The following RXFP1 variants were observed in gnomAD, a reference collection of about 807,000 sequenced individuals.
RXFP1 encodes the protein relaxin family peptide receptor 1.
In RXFP1, 73 loss-of-function variants were observed where a neutral mutation model predicts 89.8. That is an observed-to-expected ratio of 0.81 (90% CI 0.67 to 0.99). RXFP1 has a LOEUF of 0.99. RXFP1 is among the 50% of genes least tolerant of loss of function. The probability of loss-of-function intolerance (pLI) is 0.00; values close to 1 mark genes in which losing one functional copy is unlikely to be tolerated. For synonymous variants in RXFP1, 277 were observed against 305.5 expected, an observed-to-expected ratio of 0.91 and a Z score of 0.97; for missense variants, 793 against 895.5, an observed-to-expected ratio of 0.89 and a Z score of 1.46.
At chr4:158,557,433 T>C (rs1479639927) in intron 1 of RXFP1, among the ~76,000 whole-genome samples, 1 of 152,174 alleles carries the variant, frequency 6.6e-6, no homozygotes, top group Non-Finnish European at 1.5e-5. Context: ...GTCACCTAAG[T>C]TGGAGTAGTT....
At chr4:158,595,571 G>A (rs925970176) in intron 3 of RXFP1, among the ~76,000 whole-genome samples, 14 of 152,084 alleles carry the variant, frequency 9.2e-5, no homozygotes, top group African/African-American at 3.4e-4. Flanking sequence ...CAAATATAAA[G>A]TTTTTTCTCT....
chr4:158,554,890 C>T (rs1750944713), intron 1 of RXFP1, among the ~76,000 whole-genome samples: 1 of 152,054 alleles, frequency 6.6e-6, no homozygotes, highest in Non-Finnish European at 1.5e-5. Context: ...ATCTGCTCCG[C>T]TATTGTAACC....
chr4:158,524,076 G>C (rs150091099), intron 1 of RXFP1, among the ~76,000 whole-genome samples: 206 of 152,244 alleles, frequency 1.4e-3, no homozygotes, highest in African/African-American at 4.4e-3. Flanking sequence ...CCTTTACCCT[G>C]TCTACCTTTC....
At chr4:158,532,193 TG>T (rs33966083) in intron 1 of RXFP1, among the ~76,000 whole-genome samples, 6,859 of 152,202 alleles carry the variant, frequency 0.045, 520 homozygotes, top group African/African-American at 0.15. Flanking sequence ...ATGTAGCGTT[TG>T]TTTTTCTGTC....
At chr4:158,546,930 C>T (rs1410715982) in intron 1 of RXFP1, among the ~76,000 whole-genome samples, 1 of 152,002 alleles carries the variant, frequency 6.6e-6, no homozygotes, top group East Asian at 1.9e-4. Flanking sequence ...TGTGTCTCTG[C>T]CCGGCTTTGG....
chr4:158,562,828 G>A (rs948985210), intron 1 of RXFP1, among the ~76,000 whole-genome samples: 1 of 151,484 alleles, frequency 6.6e-6, no homozygotes, highest in Admixed American at 6.6e-5. Flanking sequence ...CTGGGAACCT[G>A]CAAATTAAAC....
intron 1 of RXFP1, among the ~76,000 whole-genome samples, chr4:158,549,554 GCT>G (rs1362400514): frequency 6.6e-6 from 1 of 152,112 alleles, no homozygotes; most frequent in Non-Finnish European, 1.5e-5. Flanking sequence ...CAGTTTTTCT[GCT>G]CTGTTTTTTC....
In RXFP1 at chr4:158,652,563, C is replaced by G. The variant is rs1772927547; in HGVS notation, c.*508C>G. 1 of 152,252 alleles carries G rather than the reference C, an allele frequency of 6.6e-6. No homozygotes were observed. Among genetic ancestry groups the G allele is most frequent in the African/African-American group, 2.4e-5 (1 of 41,458 alleles). 9.4% of individuals were successfully genotyped at this position (152,252 alleles called of 1,614,324 possible). A position where few individuals can be genotyped will look rare whatever the true frequency, so the allele number is the denominator to read the frequency against. ...TATTTGCATCATAGAAAATGTCTGA[C>G]TGTTTGCAAAATAATATTCTGTTTT... On this transcript the variant is annotated 3_prime_UTR_variant, in exon 18 of 18. Coordinates refer to ENST00000307765, the MANE Select transcript of RXFP1 (RefSeq NM_021634.4).
At chr4:158,641,540 A>G (rs1266454687) in intron 14 of RXFP1, among the ~76,000 whole-genome samples, 1 of 152,202 alleles carries the variant, frequency 6.6e-6, no homozygotes, top group African/African-American at 2.4e-5. Context: ...ATACCAATCA[A>G]CACTCCTTCT....
chr4:158,545,913 G>A (rs1240710056), intron 1 of RXFP1, among the ~76,000 whole-genome samples: 1 of 152,202 alleles, frequency 6.6e-6, no homozygotes, highest in Non-Finnish European at 1.5e-5. Flanking sequence ...TTTTGGCTTA[G>A]GATTGACTTG....
intron 1 of RXFP1, among the ~76,000 whole-genome samples, chr4:158,560,079 G>A (rs1752116337): frequency 6.6e-6 from 1 of 152,236 alleles, no homozygotes; most frequent in South Asian, 2.1e-4. Context: ...CTGCATGGAT[G>A]TGACTAACCC....
intron 1 of RXFP1, among the ~76,000 whole-genome samples, chr4:158,563,364 G>A (rs1360595561): frequency 6.6e-6 from 1 of 152,062 alleles, no homozygotes; most frequent in Non-Finnish European, 1.5e-5. Context: ...GAAAGGAGAA[G>A]GAAGATGAGG....
At chr4:158,599,211 T>G in intron 3 of RXFP1, 115 bp from the exon 4 acceptor site, 260 of 1,520,372 alleles carry the variant, frequency 1.7e-4, no homozygotes, top group Non-Finnish European at 2.2e-4. Context: ...ACGTAGCACA[T>G]GATATGCTTT....
At position 158,622,272 on chromosome 4, in the gene RXFP1, C is replaced by T. The variant is rs556341169; in HGVS notation, c.756-4548C>T. Among the ~76,000 whole-genome samples, 19 of 152,140 alleles carry T rather than the reference C, an allele frequency of 1.2e-4. No individual in the cohort carries two copies. The South Asian group carries it at 2.9e-3, about 23-fold the overall frequency. Reference sequence around the variant, plus strand: ...GTTGCAGTGAGCCAAGATCACACCCCTGCACTCCAGCCTGGGCGACAGAGC... The same window carrying T: ...GTTGCAGTGAGCCAAGATCACACCCTTGCACTCCAGCCTGGGCGACAGAGC... On this transcript the variant is annotated intron_variant, in intron 9 of 17. Transcript: ENST00000307765.
chr4:158,592,203 T>C (rs987611291), intron 2 of RXFP1, among the ~76,000 whole-genome samples: 1 of 152,108 alleles, frequency 6.6e-6, no homozygotes, highest in Admixed American at 6.6e-5. Context: ...AATAATCACT[T>C]TAGATACCAT....
intron 16 of RXFP1, 32 bp from the exon 17 acceptor site, chr4:158,648,467 T>A (rs368789391): frequency 8.1e-7 from 1 of 1,227,002 alleles, no homozygotes; most frequent in Non-Finnish European, 1.2e-6. Context: ...AATATTTCTA[T>A]GCATTAATAA....
At chr4:158,606,099 C>G (rs1762494687) in intron 5 of RXFP1, among the ~76,000 whole-genome samples, 1 of 152,046 alleles carries the variant, frequency 6.6e-6, no homozygotes, top group Non-Finnish European at 1.5e-5. Context: ...ATTTATCAGT[C>G]AAAAGAGAAG....
chr4:158,545,629 G>A (rs888052111), intron 1 of RXFP1, among the ~76,000 whole-genome samples: 54 of 152,134 alleles, frequency 3.5e-4, no homozygotes, highest in South Asian at 2.5e-3. Context: ...TTTTTGTATA[G>A]GGTGTAAGGA....
intron 11 of RXFP1, among the ~76,000 whole-genome samples, chr4:158,631,562 A>G (rs960561255): frequency 2.0e-5 from 3 of 152,186 alleles, no homozygotes; most frequent in Admixed American, 2.0e-4. Context: ...GTGCAAGAGG[A>G]ATGCATAGGA....
Sources: allele counts gnomAD v4.1 joint callset (sites outside exome capture counted in the v4.1 genomes callset), GRCh38; gene constraint gnomAD v4.1.1; transcripts MANE v1.5; gene names NCBI Gene and HGNC (gene_info 2026-07-23, HGNC 2026-07-21).